TEX261: variants seen among roughly 807,000 people sequenced by gnomAD.
TEX261 encodes testis expressed 261.
A neutral mutation model predicts 25.1 loss-of-function variants in TEX261; 13 were observed. That is an observed-to-expected ratio of 0.52 (90% CI 0.34 to 0.82). The LOEUF is 0.82. TEX261 is among the 40% of genes least tolerant of loss of function. The pLI is 0.02. For missense variants in TEX261, 206 were observed against 243.2 expected (o/e 0.85, Z 1.02); for synonymous variants, 92 against 97.8 (o/e 0.94, Z 0.35).
chr2:70,993,575 G>A, intron 2 of TEX261, 121 bp downstream of exon 2: 1 of 830,480 alleles, frequency 1.2e-6, no homozygotes. Flanking sequence ...GGAGGTAAGA[G>A]TGTATGCTCA....
At position 70,993,688 on chromosome 2, in the gene TEX261, C is replaced by T. The variant is rs1553425885; in HGVS notation, c.150+8G>A. The T allele has an allele frequency of 1.2e-6, 2 of 1,611,882 alleles. No individual in the cohort carries two copies. Among genetic ancestry groups the T allele is most frequent in the Non-Finnish European group, 1.7e-6 (2 of 1,178,128 alleles). ...TGAGGAGGACTCCTGGAGAAAGATG[C>T]CACTTACCCAGATCATGTATTTTAT... is the stretch of plus-strand genomic sequence containing the variant. On this transcript the variant is annotated splice_region_variant and intron_variant, in intron 2 of 5. Transcript: ENST00000272438.
intron 1 of TEX261, 159 bp downstream of exon 1, chr2:70,994,529 C>CA: frequency 9.4e-7 from 1 of 1,065,792 alleles, no homozygotes; most frequent in South Asian, 1.6e-5. Context: ...CCAGGCTCGA[C>CA]AGGAGGGGCA....
At chr2:70,994,174 G>C (rs932297767) in intron 1 of TEX261, among the ~76,000 whole-genome samples, 1 of 152,240 alleles carries the variant, frequency 6.6e-6, no homozygotes, top group African/African-American at 2.4e-5. Context: ...GGGAGAGACA[G>C]ACGAGTTTAG....
intron 1 of TEX261, among the ~76,000 whole-genome samples, 156 bp from the exon 2 acceptor site, chr2:70,993,931 A>G (rs1670355464): frequency 6.6e-6 from 1 of 152,214 alleles, no homozygotes; most frequent in Admixed American, 6.5e-5. Context: ...AAGTCTGGAG[A>G]AGTAAAACTT....
At position 70,986,448 on chromosome 2, in the gene TEX261, A is replaced by T. The variant is rs1553424927; in HGVS notation, c.*2152T>A. 6.5e-6 allele frequency: 1 copy of T among 152,712 alleles called. No individual in the cohort carries two copies. The highest frequency in any genetic ancestry group is 2.4e-5 in the African/African-American group (1 of 41,458). The allele number at this position is 152,712 out of a possible 1,614,324, so 9.5% of individuals were successfully genotyped here. ...ACTATGCAATGCATTTTAGGAAGAT[A>T]GCTCTGGCCACATGATAGAGAAGCA... On this transcript the variant is annotated 3_prime_UTR_variant, in exon 6 of 6. Coordinates refer to ENST00000272438, the MANE Select transcript of TEX261 (RefSeq NM_144582.3).
chr2:70,988,598 G>A lies in TEX261; in HGVS notation c.*2C>T, dbSNP rs1553425195. On this transcript the variant is annotated 3_prime_UTR_variant, in exon 6 of 6. Coordinates refer to ENST00000272438, the MANE Select transcript of TEX261 (RefSeq NM_144582.3). ...GCCCCCCACATCCTGCCTGCATGGG[G>A]GTCAGTATATCTTCTGACGACTGGG... The A allele has an allele frequency of 1.2e-6, 2 of 1,604,474 alleles. No homozygotes were observed. The highest frequency in any genetic ancestry group is 3.3e-5 in the Admixed American group (2 of 60,012).
At chr2:70,989,978 T>C (rs1186348007) in intron 3 of TEX261, among the ~76,000 whole-genome samples, 162 bp from the exon 4 acceptor site, 1 of 152,192 alleles carries the variant, frequency 6.6e-6, no homozygotes, top group Non-Finnish European at 1.5e-5. Context: ...TCCCATCTGC[T>C]AAAATGGGAG....
At position 70,988,511 on chromosome 2, in the gene TEX261, G is replaced by T; in HGVS notation, c.*89C>A. ...AAGAAAGCCAGGGCAGGTGGTAGGT[G>T]CCTTCCCGACTTCTGGTCCCCACCT... On this transcript the variant is annotated 3_prime_UTR_variant, in exon 6 of 6. Coordinates refer to ENST00000272438, the MANE Select transcript of TEX261 (RefSeq NM_144582.3). 9.9e-7 allele frequency: 1 copy of T among 1,009,372 alleles called. No homozygotes were observed. The highest frequency in any genetic ancestry group is 1.6e-6 in the Non-Finnish European group (1 of 639,422). 62.5% of individuals were successfully genotyped at this position (1,009,372 alleles called of 1,614,324 possible). A position where few individuals can be genotyped will look rare whatever the true frequency, so the allele number is the denominator to read the frequency against.
intron 2 of TEX261, among the ~76,000 whole-genome samples, chr2:70,993,410 G>A (rs977327355): frequency 4.6e-5 from 7 of 152,236 alleles, no homozygotes; most frequent in African/African-American, 1.7e-4. Flanking sequence ...GCTAAGCAAA[G>A]TCAAATCTAC....
chr2:70,989,667 C>A, intron 4 of TEX261, 82 bp downstream of exon 4: 1 of 960,070 alleles, frequency 1.0e-6, no homozygotes, highest in Non-Finnish European at 1.7e-6. Context: ...CAAATCATAG[C>A]TAAGTTTATA....
intron 3 of TEX261, among the ~76,000 whole-genome samples, chr2:70,990,937 C>T (rs1246961031): frequency 6.6e-6 from 1 of 152,130 alleles, no homozygotes; most frequent in African/African-American, 2.4e-5. Flanking sequence ...AAGGAAGAAA[C>T]CAGTTTTGGC....
intron 1 of TEX261, 83 bp downstream of exon 1, chr2:70,994,605 C>T (rs1016739122): frequency 1.2e-5 from 18 of 1,537,720 alleles, no homozygotes; most frequent in African/African-American, 2.8e-5. Context: ...CCCCGAGTGG[C>T]TCCGAAACCC....
chr2:70,990,995 C>T (rs1000680628), intron 3 of TEX261, among the ~76,000 whole-genome samples: 3 of 152,310 alleles, frequency 2.0e-5, no homozygotes, highest in Middle Eastern at 3.4e-3. Context: ...TCCAGGCTCT[C>T]TCATAGAAAT....
At position 70,988,262 on chromosome 2, in the gene TEX261, G is replaced by A; in HGVS notation, c.*338C>T. Reference sequence around the variant, plus strand: ...CTGCCCAGAGAACTTGTCACCATCTGCTCTTAAGCTTCACAGACCCTGCCC... The same window carrying A: ...CTGCCCAGAGAACTTGTCACCATCTACTCTTAAGCTTCACAGACCCTGCCC... On this transcript the variant is annotated 3_prime_UTR_variant, in exon 6 of 6. Transcript: ENST00000272438. 3.7e-6 allele frequency: 1 copy of A among 267,096 alleles called. No homozygotes were observed. 16.5% of individuals were successfully genotyped at this position (267,096 alleles called of 1,614,324 possible). A position where few individuals can be genotyped will look rare whatever the true frequency, so the allele number is the denominator to read the frequency against.
intron 4 of TEX261, chr2:70,989,496 C>T: frequency 4.0e-6 from 2 of 500,174 alleles, no homozygotes; most frequent in South Asian, 4.4e-5. Flanking sequence ...TTCCTGACCT[C>T]AGGATGACCC....
Position 70,994,862 on chromosome 2 carries a change from C to G in TEX261, c.-105G>C. The G allele has an allele frequency of 1.7e-6, 2 of 1,211,750 alleles. No homozygotes were observed. Among genetic ancestry groups the G allele is most frequent in the Non-Finnish European group, 2.1e-6 (2 of 969,762 alleles). The allele number at this position is 1,211,750 out of a possible 1,614,324, so 75.1% of individuals were successfully genotyped here. On this transcript the variant is annotated 5_prime_UTR_variant, in exon 1 of 6. Transcript: ENST00000272438. ...CGCCGCCGCCGCCGCGTCCCCGCCC[C>G]GCGGACGACAGGACGACGGTGCGCC...
chr2:70,994,743 G>A lies in TEX261; in HGVS notation c.15C>T (p.Tyr5=). ...TGAAGAGCGACAGCCAGCTCAGCAGGTACATGAACCACATGGCGCCCCCAC... is the reference window on the plus strand; with the variant it reads ...TGAAGAGCGACAGCCAGCTCAGCAGATACATGAACCACATGGCGCCCCCAC... MWFM[Y]LLSWLSLFIQ... Residue 5 remains tyrosine (Y), a synonymous_variant, in exon 1 of 6, where the codon TAC becomes TAT. Transcript: ENST00000272438. 6.2e-7 allele frequency: 1 copy of A among 1,603,118 alleles called. No individual in the cohort carries two copies. Among genetic ancestry groups the A allele is most frequent in the Non-Finnish European group, 8.5e-7 (1 of 1,176,144 alleles).
At position 70,987,070 on chromosome 2, in the gene TEX261, G is replaced by A. The variant is rs1670201451; in HGVS notation, c.*1530C>T. ...CCTGGGAGAACACTGGCAGTAGAGTGGAGGGGGCGAAGCCACATCATCAAG... is the reference window on the plus strand; with the variant it reads ...CCTGGGAGAACACTGGCAGTAGAGTAGAGGGGGCGAAGCCACATCATCAAG... On this transcript the variant is annotated 3_prime_UTR_variant, in exon 6 of 6. Transcript: ENST00000272438. 6.6e-6 allele frequency: 1 copy of A among 152,252 alleles called. No homozygotes were observed. Among genetic ancestry groups the A allele is most frequent in the Non-Finnish European group, 1.5e-5 (1 of 68,118 alleles). 9.4% of individuals were successfully genotyped at this position (152,252 alleles called of 1,614,324 possible).
chr2:70,989,056 G>A (rs1553425310), intron 4 of TEX261, 39 bp from the exon 5 acceptor site: 2 of 1,564,366 alleles, frequency 1.3e-6, no homozygotes, highest in Non-Finnish European at 1.7e-6. Flanking sequence ...TGCCCCGGAG[G>A]TGCCAAGAGT....
Sources: allele counts gnomAD v4.1 joint callset (sites outside exome capture counted in the v4.1 genomes callset), GRCh38; gene constraint gnomAD v4.1.1; transcripts MANE v1.5; gene names NCBI Gene and HGNC (gene_info 2026-07-23, HGNC 2026-07-21).